Variants in GYG1 observed in about 807,000 individuals in gnomAD.
GYG1 encodes the protein glycogenin 1.
GYG1 carries 44 observed loss-of-function variants against 41.9 expected under a neutral mutation model. The observed-to-expected ratio is 1.05, with a 90% confidence interval of 0.83 to 1.35. The LOEUF (loss-of-function observed/expected upper bound fraction) is 1.35. Among genes scored for constraint, GYG1 ranks in the 40% most tolerant of loss-of-function variants. GYG1 has a pLI of 0.00. For synonymous variants in GYG1, 141 were observed against 158.1 expected (o/e 0.89, Z 0.81); for missense variants, 429 against 418.9 (o/e 1.02, Z -0.21).
chr3:149,012,741 A>G (rs1400548735), intron 5 of GYG1, among the ~76,000 whole-genome samples: 1 of 152,146 alleles, frequency 6.6e-6, no homozygotes, highest in African/African-American at 2.4e-5. Flanking sequence ...GATCCTCTTT[A>G]ACACGGCATA....
intron 5 of GYG1, among the ~76,000 whole-genome samples, chr3:149,011,865 G>A (rs966421036): frequency 1.3e-5 from 2 of 152,130 alleles, no homozygotes; most frequent in Admixed American, 6.5e-5. Context: ...TCCATTAGCC[G>A]GATTTCAGCT....
At position 149,027,805 on chromosome 3, in the gene GYG1, GTGA is replaced by G. The variant is rs1310275442; in HGVS notation, c.*875_*877del. The G allele has an allele frequency of 6.6e-6, 1 of 152,096 alleles. No homozygotes were observed. Among genetic ancestry groups the G allele is most frequent in the Non-Finnish European group, 1.5e-5 (1 of 68,022 alleles). The allele number at this position is 152,096 out of a possible 1,614,324, so 9.4% of individuals were successfully genotyped here. On this transcript the variant is annotated 3_prime_UTR_variant, in exon 8 of 8. Transcript: ENST00000345003. ...ATGATTTCAATCTAATTGTTTTTCT[GTGA>G]TGGTGATGGATCTGACAGATCAGAA...
chr3:148,994,069 A>C, intron 1 of GYG1, 73 bp from the exon 2 acceptor site: 2 of 1,353,456 alleles, frequency 1.5e-6, no homozygotes, highest in Non-Finnish European at 2.1e-6. Context: ...TTACTGTTTG[A>C]ATGGGTTCCT....
intron 5 of GYG1, among the ~76,000 whole-genome samples, chr3:149,022,762 G>A (rs1714443041): frequency 6.6e-6 from 1 of 151,812 alleles, no homozygotes; most frequent in African/African-American, 2.4e-5. Context: ...GCAAAGTGCT[G>A]GGATGACAGG....
intron 5 of GYG1, among the ~76,000 whole-genome samples, chr3:149,014,307 C>G (rs1427093829): frequency 2.6e-5 from 4 of 152,156 alleles, no homozygotes. Flanking sequence ...TTACCTAAGT[C>G]TTTATCACCA....
At chr3:148,993,600 A>G (rs1483506913) in intron 1 of GYG1, among the ~76,000 whole-genome samples, 1 of 152,134 alleles carries the variant, frequency 6.6e-6, no homozygotes, top group Non-Finnish European at 1.5e-5. Flanking sequence ...CTATGATCAC[A>G]CCACTCCACT....
intron 2 of GYG1, 87 bp downstream of exon 2, chr3:148,994,364 T>C: frequency 2.1e-6 from 3 of 1,409,360 alleles, no homozygotes; most frequent in Non-Finnish European, 3.0e-6. Flanking sequence ...GAGGCCATGC[T>C]CTTTTCAGGA....
rs1300536004 is a variant in GYG1 at position 149,027,187 on chromosome 3, C to G, written c.*254C>G. The G allele has an allele frequency of 1.9e-6, 1 of 525,932 alleles. No individual in the cohort carries two copies. Among genetic ancestry groups the G allele is most frequent in the East Asian group, 3.1e-5 (1 of 31,804 alleles). 32.6% of individuals were successfully genotyped at this position (525,932 alleles called of 1,614,324 possible). On this transcript the variant is annotated 3_prime_UTR_variant, in exon 8 of 8. Coordinates refer to ENST00000345003, the MANE Select transcript of GYG1 (RefSeq NM_004130.4). ...CAGAAATTCTCACTTTTGTTGACTG[C>G]CAACATACAAAGTAAGGGAAACTCA...
chr3:148,997,503 T>C (rs1362556489), intron 4 of GYG1, among the ~76,000 whole-genome samples: 1 of 152,202 alleles, frequency 6.6e-6, no homozygotes, highest in East Asian at 1.9e-4. Context: ...TAAATGTATT[T>C]ATAGTTATAT....
chr3:149,021,741 AG>A (rs1372601991), intron 5 of GYG1, among the ~76,000 whole-genome samples: 1 of 152,070 alleles, frequency 6.6e-6, no homozygotes, highest in Non-Finnish European at 1.5e-5. Context: ...CTCTGATGAT[AG>A]CTTTTTAACC....
At chr3:149,013,513 C>G (rs1713855206) in intron 5 of GYG1, among the ~76,000 whole-genome samples, 1 of 152,142 alleles carries the variant, frequency 6.6e-6, no homozygotes. Flanking sequence ...CTCATTCACC[C>G]AATACTTTCC....
Position 149,027,239 on chromosome 3 carries a change from T to C in GYG1, c.*306T>C. On this transcript the variant is annotated 3_prime_UTR_variant, in exon 8 of 8. Coordinates refer to ENST00000345003, the MANE Select transcript of GYG1 (RefSeq NM_004130.4). ...GATATTAAGATGGCTGTATCAGTTC[T>C]TAAAATCTGCAGAGCCTGGTTCAAA... 1 of 395,896 alleles carries C rather than the reference T, an allele frequency of 2.5e-6. No individual in the cohort carries two copies. The highest frequency in any genetic ancestry group is 4.6e-6 in the Non-Finnish European group (1 of 215,708). The allele number at this position is 395,896 out of a possible 1,614,324, so 24.5% of individuals were successfully genotyped here.
At chr3:149,005,194 G>C (rs144766001) in intron 4 of GYG1, among the ~76,000 whole-genome samples, 49 of 151,590 alleles carry the variant, frequency 3.2e-4, no homozygotes, top group African/African-American at 1.0e-3. Context: ...TTTTTTGGTA[G>C]TATACTTCAT....
chr3:148,995,101 G>T (rs1416864800), intron 2 of GYG1, among the ~76,000 whole-genome samples: 2 of 152,142 alleles, frequency 1.3e-5, no homozygotes, highest in Non-Finnish European at 2.9e-5. Context: ...GCTACTTGGG[G>T]TTGGGGGCTG....
chr3:149,023,297 C>T (rs1006986106), intron 5 of GYG1, among the ~76,000 whole-genome samples: 1 of 152,188 alleles, frequency 6.6e-6, no homozygotes, highest in African/African-American at 2.4e-5. Context: ...GGGAAAGTGT[C>T]CTCCCCCTGA....
intron 5 of GYG1, among the ~76,000 whole-genome samples, chr3:149,011,069 A>G (rs998942955): frequency 6.6e-6 from 1 of 152,204 alleles, no homozygotes; most frequent in Non-Finnish European, 1.5e-5. Flanking sequence ...CCCTTGGTAT[A>G]TGTCTCCAAC....
rs77103215 is a variant in GYG1 at position 148,998,912 on chromosome 3, C to T, written c.481+2008C>T. Among the ~76,000 whole-genome samples the T allele has an allele frequency of 3.5e-3, 529 of 152,270 alleles. 4 individuals carry two copies. Among genetic ancestry groups the T allele is most frequent in the African/African-American group, 0.012 (510 of 41,538 alleles). The stretch of plus-strand genomic sequence containing the variant: ...AGTAAGTGTAATCCTGCCAGAAATT[C>T]GGTGTAACTCTTTTCAGCTTTAGTA... On this transcript the variant is annotated intron_variant, in intron 4 of 7. Coordinates refer to ENST00000345003, the MANE Select transcript of GYG1 (RefSeq NM_004130.4).
rs148926649 is a variant in GYG1 at position 149,011,801 on chromosome 3, G to A, written c.608+2399G>A. Among the ~76,000 whole-genome samples, 646 of 152,250 alleles carry A rather than the reference G, an allele frequency of 4.2e-3. 7 individuals are homozygous for A. Among genetic ancestry groups the A allele is most frequent in the African/African-American group, 0.015 (622 of 41,540 alleles). ...AGTGCTAATTTTGGAAATCCCCCGG[G>A]TTTATTGTAACCATAGAGAATATGA... On this transcript the variant is annotated intron_variant, in intron 5 of 7. Transcript: ENST00000345003.
At chr3:149,012,762 T>G (rs1270422581) in intron 5 of GYG1, among the ~76,000 whole-genome samples, 2 of 152,222 alleles carry the variant, frequency 1.3e-5, no homozygotes, top group Non-Finnish European at 2.9e-5. Context: ...ATTTGAAAAT[T>G]AAAATGCTTG....
Sources: gnomAD v4.1 joint callset for allele counts (sites outside exome capture counted in the v4.1 genomes callset) on GRCh38, gnomAD v4.1.1 for gene constraint, MANE v1.5 for transcripts, NCBI Gene and HGNC (gene_info 2026-07-23, HGNC 2026-07-21) for gene names.